SP140L: variants seen among roughly 807,000 people sequenced by gnomAD.
SP140L encodes the protein SP140 like nuclear body protein, also known as nuclear body protein SP140-like protein.
A neutral mutation model predicts 84.3 loss-of-function variants in SP140L; 64 were observed. The observed-to-expected ratio is 0.76, with a 90% CI of 0.62 to 0.94. SP140L has a LOEUF of 0.94. Among genes scored for constraint, SP140L ranks in the 40% least tolerant of loss-of-function variants. The probability of loss-of-function intolerance (pLI) is 0.00; values close to 1 mark genes in which losing one functional copy is unlikely to be tolerated. For synonymous variants in SP140L, 242 were observed against 236.9 expected (o/e 1.02, Z -0.20); for missense variants, 628 against 692.5 (o/e 0.91, Z 1.05).
chr2:230,385,186 C>T (rs749202834), intron 8 of SP140L, 38 bp from the exon 9 acceptor site: 35 of 1,605,978 alleles, frequency 2.2e-5, no homozygotes, highest in African/African-American at 6.7e-5. Flanking sequence ...GTTGTTCTGC[C>T]CAGTTCTATT....
At chr2:230,357,041 TG>T (rs1201266645) in intron 2 of SP140L, among the ~76,000 whole-genome samples, 1 of 152,218 alleles carries the variant, frequency 6.6e-6, no homozygotes, top group Non-Finnish European at 1.5e-5. Context: ...ACTGAGATGT[TG>T]ATTAAAACAT....
At chr2:230,381,251 T>A (rs1432763915) in intron 7 of SP140L, among the ~76,000 whole-genome samples, 2 of 152,204 alleles carry the variant, frequency 1.3e-5, no homozygotes, top group Non-Finnish European at 2.9e-5. Context: ...AAATCTCTCC[T>A]GGGGACATCT....
At position 230,371,524 on chromosome 2, in the gene SP140L, G is replaced by C. The variant is rs2061070172; in HGVS notation, c.584-74G>C. 4 of 1,277,600 alleles carry C rather than the reference G, an allele frequency of 3.1e-6. No individual in the cohort carries two copies. In the Admixed American group the frequency reaches 9.0e-5, roughly 29 times the overall value. The allele number at this position is 1,277,600 out of a possible 1,614,324, so 79.1% of individuals were successfully genotyped here. A position where few individuals can be genotyped will look rare whatever the true frequency, so the allele number is the denominator to read the frequency against. ...TCTTTATAAACTCAAGCCTTCTATA[G>C]TATGAATTGTCCTAAAATCTATAAC... is the stretch of plus-strand genomic sequence containing the variant. On this transcript the variant is annotated intron_variant, in intron 6 of 18. Coordinates refer to ENST00000415673, the MANE Select transcript of SP140L (RefSeq NM_138402.6).
intron 7 of SP140L, among the ~76,000 whole-genome samples, chr2:230,381,831 C>T (rs1221566772): frequency 6.6e-6 from 1 of 152,132 alleles, no homozygotes; most frequent in African/African-American, 2.4e-5. Context: ...AGGTACAAGT[C>T]ACTTTATGTG....
intron 9 of SP140L, among the ~76,000 whole-genome samples, chr2:230,387,618 C>T (rs2061638449): frequency 6.6e-6 from 1 of 152,088 alleles, no homozygotes; most frequent in Non-Finnish European, 1.5e-5. Context: ...GACCAGCATC[C>T]CTAGATGGTG....
At chr2:230,364,619 G>A (rs986543316) in intron 5 of SP140L, among the ~76,000 whole-genome samples, 1 of 151,936 alleles carries the variant, frequency 6.6e-6, no homozygotes, top group Non-Finnish European at 1.5e-5. Context: ...TTCCACTTTG[G>A]ATGTCTTTTA....
chr2:230,331,734 C>T (rs1475346725), intron 2 of SP140L, among the ~76,000 whole-genome samples: 2 of 152,106 alleles, frequency 1.3e-5, no homozygotes, highest in Non-Finnish European at 1.5e-5. Context: ...AACAGGAACT[C>T]GTTTTCCTTT....
chr2:230,390,967 C>A (rs2061777417), intron 11 of SP140L, among the ~76,000 whole-genome samples: 1 of 152,188 alleles, frequency 6.6e-6, no homozygotes, highest in Non-Finnish European at 1.5e-5. Flanking sequence ...TAGGCATTTT[C>A]TGCAAATGGA....
At chr2:230,367,284 T>C (rs2149754965) in intron 5 of SP140L, among the ~76,000 whole-genome samples, 1 of 105,360 alleles carries the variant, frequency 9.5e-6, no homozygotes, top group Admixed American at 1.1e-4. Context: ...TTTCCTTTCT[T>C]TCTTTTTTTT....
chr2:230,355,069 A>G (rs1003642477), intron 2 of SP140L, among the ~76,000 whole-genome samples: 4 of 152,144 alleles, frequency 2.6e-5, no homozygotes, highest in African/African-American at 9.7e-5. Flanking sequence ...GTTGTCTCTC[A>G]CTTCTTCTCT....
intron 9 of SP140L, 142 bp downstream of exon 9, chr2:230,385,446 A>G: frequency 1.5e-6 from 1 of 676,132 alleles, no homozygotes; most frequent in East Asian, 2.9e-5. Flanking sequence ...CAGCAAACCC[A>G]TTAGAAGCCA....
intron 4 of SP140L, among the ~76,000 whole-genome samples, chr2:230,360,764 C>T (rs914976475): frequency 3.9e-5 from 6 of 152,128 alleles, no homozygotes; most frequent in African/African-American, 7.2e-5. Context: ...CACTGCCCAC[C>T]GCCCCACCCA....
At chr2:230,342,601 GT>G (rs1173103581) in intron 2 of SP140L, among the ~76,000 whole-genome samples, 3 of 152,094 alleles carry the variant, frequency 2.0e-5, no homozygotes. Flanking sequence ...CAGATTATCT[GT>G]TTTTTCATGA....
rs1231820279 is a variant in SP140L at position 230,393,478 on chromosome 2, T to G, written c.1155+17T>G. Reference sequence around the variant, plus strand: ...AACAAAAAGGTGATTATTACATAATTTTCTACAGATTCTTGTCACACAACA... The same window carrying G: ...AACAAAAAGGTGATTATTACATAATGTTCTACAGATTCTTGTCACACAACA... On this transcript the variant is annotated intron_variant, in intron 13 of 18. Transcript: ENST00000415673. 9.0e-6 allele frequency: 14 copies of G among 1,556,396 alleles called. No homozygotes were observed. Among genetic ancestry groups the G allele is most frequent in the Non-Finnish European group, 1.2e-5 (14 of 1,153,712 alleles).
intron 1 of SP140L, 56 bp downstream of exon 1, chr2:230,327,357 A>T: frequency 2.5e-6 from 4 of 1,574,602 alleles, no homozygotes. Flanking sequence ...TGGAGCTTTC[A>T]TGCCTGTAGT....
intron 2 of SP140L, among the ~76,000 whole-genome samples, chr2:230,344,453 G>T (rs2060152609): frequency 1.3e-5 from 2 of 152,280 alleles, no homozygotes; most frequent in Non-Finnish European, 1.5e-5. Context: ...ATACCGATGG[G>T]TCATGGCTCT....
At position 230,394,282 on chromosome 2, in the gene SP140L, C is replaced by T. The variant is rs118061679; in HGVS notation, c.1155+821C>T. On this transcript the variant is annotated intron_variant, in intron 13 of 18. Coordinates refer to ENST00000415673, the MANE Select transcript of SP140L (RefSeq NM_138402.6). ...GATTCAGGACAAGGTGATGGTTTTT[C>T]GAAGACTGGGTGTGAATGAGAACCT... is the stretch of plus-strand genomic sequence containing the variant. 2.8e-3 allele frequency among the ~76,000 whole-genome samples: 425 copies of T among 150,860 alleles called. 17 individuals are homozygous for T. In the East Asian group the frequency reaches 0.077, roughly 27 times the overall value.
chr2:230,374,265 G>C (rs2149774353), intron 7 of SP140L, among the ~76,000 whole-genome samples: 1 of 150,962 alleles, frequency 6.6e-6, no homozygotes, highest in South Asian at 2.1e-4. Flanking sequence ...GCACTGAGCA[G>C]AGGTTGCACC....
intron 2 of SP140L, among the ~76,000 whole-genome samples, chr2:230,357,289 C>T (rs2060578072): frequency 6.6e-6 from 1 of 152,154 alleles, no homozygotes; most frequent in South Asian, 2.1e-4. Flanking sequence ...TATTAAACCA[C>T]ATTGTATTAT....
Sources: allele counts gnomAD v4.1 joint callset (sites outside exome capture counted in the v4.1 genomes callset), GRCh38; gene constraint gnomAD v4.1.1; transcripts MANE v1.5; gene names NCBI Gene and HGNC (gene_info 2026-07-23, HGNC 2026-07-21).